The following TBC1D23 variants were observed in gnomAD, a reference collection of about 807,000 sequenced individuals.
The protein encoded by TBC1D23 is TBC1 domain family member 23.
TBC1D23 carries 55 observed loss-of-function variants against 91.4 expected under a neutral mutation model. The ratio of observed to expected loss-of-function variants is 0.60; its 90% CI spans 0.48 to 0.75. The LOEUF (loss-of-function observed/expected upper bound fraction) is 0.75, where lower values mean the gene tolerates loss of function less well. Ranked by LOEUF, TBC1D23 falls within the 30% of genes least tolerant of loss-of-function variation. TBC1D23 has a pLI of 0.00. For missense variants in TBC1D23, 725 were observed against 836.1 expected, an observed-to-expected ratio of 0.87 and a Z score of 1.64; for synonymous variants, 289 against 281.0, an observed-to-expected ratio of 1.03 and a Z score of -0.28.
chr3:100,320,887 C>T lies in TBC1D23; in HGVS notation c.1934C>T (p.Thr645Ile). The T allele has an allele frequency of 6.2e-7, 1 of 1,611,380 alleles. No homozygotes were observed. The highest frequency in any genetic ancestry group is 8.5e-7 in the Non-Finnish European group (1 of 1,178,768). ...RQALNSVVKI[T>I]SKKKHPELIT... Reference sequence around the variant, plus strand: ...GCGCTGAATTCTGTAGTTAAAATTACATCCAAAAAAAAACATCCTGAACTC... The same window carrying T: ...GCGCTGAATTCTGTAGTTAAAATTATATCCAAAAAAAAACATCCTGAACTC... The change falls in exon 18 of 19, where the codon ACA becomes ATA. Residue 645 changes from threonine to isoleucine, a missense_variant. Thr to Ile is a moderately conservative substitution (Grantham distance 89, BLOSUM62 -1). Transcript: ENST00000394144.
intron 11 of TBC1D23, among the ~76,000 whole-genome samples, chr3:100,302,626 GCC>G (rs1705453834): frequency 1.3e-5 from 2 of 151,720 alleles, no homozygotes. Flanking sequence ...TTGCTCTGTC[GCC>G]CAGGCTGGAG....
At chr3:100,267,459 T>C (rs2067566405) in intron 1 of TBC1D23, among the ~76,000 whole-genome samples, 1 of 152,238 alleles carries the variant, frequency 6.6e-6, no homozygotes, top group Admixed American at 6.5e-5. Flanking sequence ...GAGTTTTTTC[T>C]TATCCTTTAG....
intron 1 of TBC1D23, among the ~76,000 whole-genome samples, chr3:100,275,708 T>C (rs2067643098): frequency 6.6e-6 from 1 of 152,242 alleles, no homozygotes; most frequent in Non-Finnish European, 1.5e-5. Flanking sequence ...GAACTACTGA[T>C]ACTTGTGTTC....
chr3:100,318,081 TTGG>T (rs1466263160), intron 16 of TBC1D23, among the ~76,000 whole-genome samples: 1 of 152,088 alleles, frequency 6.6e-6, no homozygotes, highest in African/African-American at 2.4e-5. Context: ...TTAGTATTTC[TTGG>T]TGGGGAAGGG....
Position 100,296,222 on chromosome 3 carries a change from CT to C in TBC1D23, c.827del (p.Phe276SerfsTer37), listed in dbSNP as rs771394864. 1 of 1,608,754 alleles carries C rather than the reference CT, an allele frequency of 6.2e-7. No individual in the cohort carries two copies. The highest frequency in any genetic ancestry group is 8.5e-7 in the Non-Finnish European group (1 of 1,177,816). On this transcript the variant is annotated frameshift_variant, in exon 8 of 19. Transcript: ENST00000394144. LOFTEE classifies it high-confidence loss of function. Reference sequence around the variant, plus strand: ...TCTGAATATAGAAGATATAGAAGACCTTTTCTCTCTGGCTCAGTATTATTGC... The same window carrying C: ...TCTGAATATAGAAGATATAGAAGACCTTTCTCTCTGGCTCAGTATTATTGC... ...SSLNIEDIED[L>X]FSLAQYYCSK...
At chr3:100,299,132 A>ATTTTTTAATGAACTTGTTCCC (rs2148863454) in intron 9 of TBC1D23, 107 bp from the exon 10 acceptor site, 1 of 648,906 alleles carries the variant, frequency 1.5e-6, no homozygotes, top group African/African-American at 1.8e-5. Flanking sequence ...TGTGAGATCC[A>ATTTTTTAATGAACTTGTTCCC]TTTTTTAATG....
chr3:100,296,079 A>G (rs1044687322), intron 7 of TBC1D23, 93 bp from the exon 8 acceptor site: 9 of 648,422 alleles, frequency 1.4e-5, no homozygotes, highest in African/African-American at 3.7e-5. Flanking sequence ...CTCCATTTGC[A>G]TAGTATTTAT....
chr3:100,304,828 T>C lies in TBC1D23; in HGVS notation c.1264-18T>C. ...AGTCGCAGTTTTGGAAGAATTTAAA[T>C]TTTCTTTTCCATTACAGAAAAACAA... is the stretch of plus-strand genomic sequence containing the variant. On this transcript the variant is annotated intron_variant, in intron 11 of 18. Coordinates refer to ENST00000394144, the MANE Select transcript of TBC1D23 (RefSeq NM_001199198.3). 2.2e-6 allele frequency: 3 copies of C among 1,341,764 alleles called. No homozygotes were observed. The highest frequency in any genetic ancestry group is 3.2e-6 in the Non-Finnish European group (3 of 934,480). 83.1% of individuals were successfully genotyped at this position (1,341,764 alleles called of 1,614,324 possible).
intron 17 of TBC1D23, among the ~76,000 whole-genome samples, chr3:100,320,448 A>T (rs1705831388): frequency 6.6e-6 from 1 of 152,188 alleles, no homozygotes; most frequent in African/African-American, 2.4e-5. Flanking sequence ...TATAGGTAAT[A>T]GCGTTAAAAA....
rs1705855507 is a variant in TBC1D23 at position 100,321,363 on chromosome 3, T to C, written c.2018+392T>C. 3.3e-5 allele frequency among the ~76,000 whole-genome samples: 5 copies of C among 152,214 alleles called. No homozygotes were observed. In the South Asian group the frequency reaches 8.3e-4, roughly 25 times the overall value. ...GAACTAAGCAGTGTGCTGGGTGATA[T>C]AGGTAATTTACAGCCTGGTACAAGC... is the stretch of plus-strand genomic sequence containing the variant. On this transcript the variant is annotated intron_variant, in intron 18 of 18. Transcript: ENST00000394144.
rs1705917433 is a variant in TBC1D23 at position 100,324,388 on chromosome 3, A to T, written c.*720A>T. 1 of 152,350 alleles carries T rather than the reference A, an allele frequency of 6.6e-6. No homozygotes were observed. Among genetic ancestry groups the T allele is most frequent in the South Asian group, 2.1e-4 (1 of 4,834 alleles). The allele number at this position is 152,350 out of a possible 1,614,324, so 9.4% of individuals were successfully genotyped here. A position where few individuals can be genotyped will look rare whatever the true frequency, so the allele number is the denominator to read the frequency against. ...AAGTAGGTAGGCTGTTAAGATTAAA[A>T]TTAACATTTTGGGGACAGAATTGTG... is the stretch of plus-strand genomic sequence containing the variant. On this transcript the variant is annotated 3_prime_UTR_variant, in exon 19 of 19. Coordinates refer to ENST00000394144, the MANE Select transcript of TBC1D23 (RefSeq NM_001199198.3).
At chr3:100,295,012 C>A in intron 5 of TBC1D23, 75 bp from the exon 6 acceptor site, 1 of 1,341,470 alleles carries the variant, frequency 7.5e-7, no homozygotes, top group Non-Finnish European at 1.0e-6. Context: ...GTTTCTTATT[C>A]ATTTGCTTTA....
At chr3:100,322,605 G>C (rs887006965) in intron 18 of TBC1D23, among the ~76,000 whole-genome samples, 1 of 152,108 alleles carries the variant, frequency 6.6e-6, no homozygotes, top group Non-Finnish European at 1.5e-5. Context: ...GATTCAATGG[G>C]TGAGAGGTAT....
intron 9 of TBC1D23, among the ~76,000 whole-genome samples, chr3:100,298,758 G>A (rs1001090069): frequency 3.3e-5 from 5 of 152,128 alleles, no homozygotes; most frequent in African/African-American, 4.8e-5. Flanking sequence ...CCAGTTTAAA[G>A]AGATCCATGT....
intron 16 of TBC1D23, among the ~76,000 whole-genome samples, chr3:100,318,417 G>A (rs919776363): frequency 7.2e-5 from 11 of 152,130 alleles, no homozygotes; most frequent in African/African-American, 2.4e-4. Context: ...CAAGATAGGT[G>A]CCTATTGTTT....
intron 14 of TBC1D23, among the ~76,000 whole-genome samples, chr3:100,311,169 C>T (rs1705618257): frequency 6.6e-6 from 1 of 152,068 alleles, no homozygotes. Flanking sequence ...CAAAGCTAAC[C>T]TTATAATTGC....
At chr3:100,321,603 AGTTC>A (rs1247266122) in intron 18 of TBC1D23, among the ~76,000 whole-genome samples, 1 of 152,218 alleles carries the variant, frequency 6.6e-6, no homozygotes, top group Non-Finnish European at 1.5e-5. Flanking sequence ...ACCTTGCATC[AGTTC>A]AAGTTGTTCC....
At chr3:100,269,076 A>G (rs939108206) in intron 1 of TBC1D23, among the ~76,000 whole-genome samples, 3 of 152,224 alleles carry the variant, frequency 2.0e-5, no homozygotes, top group African/African-American at 7.2e-5. Context: ...TCTAAGATTT[A>G]AAACACCTGT....
At chr3:100,296,964 T>C (rs2067847274) in intron 8 of TBC1D23, among the ~76,000 whole-genome samples, 1 of 152,066 alleles carries the variant, frequency 6.6e-6, no homozygotes, top group African/African-American at 2.4e-5. Flanking sequence ...TTAATAATGC[T>C]GAGCTGTCTT....
Sources: gnomAD v4.1 joint callset for allele counts (sites outside exome capture counted in the v4.1 genomes callset) on GRCh38, gnomAD v4.1.1 for gene constraint, MANE v1.5 for transcripts, NCBI Gene and HGNC (gene_info 2026-07-23, HGNC 2026-07-21) for gene names.